REPS1: variants seen among roughly 807,000 people sequenced by gnomAD.
REPS1 encodes the protein RALBP1 associated Eps domain containing 1.
A neutral mutation model predicts 100.9 loss-of-function variants in REPS1; 39 were observed. The ratio of observed to expected loss-of-function variants is 0.39; its 90% CI spans 0.30 to 0.50. REPS1 has a LOEUF of 0.50. Among genes scored for constraint, REPS1 ranks in the 20% least tolerant of loss-of-function variants. The pLI is 0.86. For missense variants in REPS1, 821 were observed against 968.5 expected, an observed-to-expected ratio of 0.85 and a Z score of 2.02; for synonymous variants, 324 against 340.3, an observed-to-expected ratio of 0.95 and a Z score of 0.53.
chr6:138,954,629 A>G (rs1440499326), intron 1 of REPS1, among the ~76,000 whole-genome samples: 1 of 152,316 alleles, frequency 6.6e-6, no homozygotes, highest in Non-Finnish European at 1.5e-5. Context: ...AGGCTGGACA[A>G]GCTCACATTA....
Position 138,972,471 on chromosome 6 carries a change from G to GTT in REPS1, c.153+15057_153+15058dup, listed in dbSNP as rs374610609. Among the ~76,000 whole-genome samples the GTT allele has an allele frequency of 3.3e-5, 5 of 152,182 alleles. No individual in the cohort carries two copies. In the East Asian group the frequency reaches 9.7e-4, roughly 29 times the overall value. On this transcript the variant is annotated intron_variant, in intron 1 of 19. Transcript: ENST00000450536. ...ACTAATCAGATTTGAAATGCTCTCTGTTATCACCATTCATTTTATGGGAAT... is the reference window on the plus strand; with the variant it reads ...ACTAATCAGATTTGAAATGCTCTCTGTTTTATCACCATTCATTTTATGGGAAT...
At chr6:138,921,498 T>A (rs913481590) in intron 10 of REPS1, among the ~76,000 whole-genome samples, 1 of 143,796 alleles carries the variant, frequency 7.0e-6, no homozygotes, top group Non-Finnish European at 1.5e-5. Context: ...TCAAAAAATA[T>A]AAAAACGATC....
At chr6:138,954,958 C>T (rs557271782) in intron 1 of REPS1, among the ~76,000 whole-genome samples, 5 of 152,240 alleles carry the variant, frequency 3.3e-5, no homozygotes, top group African/African-American at 9.6e-5. Flanking sequence ...TTTTCTCTAT[C>T]CGCATACATC....
intron 1 of REPS1, among the ~76,000 whole-genome samples, chr6:138,984,965 G>C (rs1029076382): frequency 6.6e-6 from 1 of 152,116 alleles, no homozygotes; most frequent in African/African-American, 2.4e-5. Context: ...CCATGACCTA[G>C]CACCCAATCC....
intron 1 of REPS1, among the ~76,000 whole-genome samples, chr6:138,964,632 A>T (rs982272351): frequency 6.6e-6 from 1 of 151,988 alleles, no homozygotes; most frequent in African/African-American, 2.4e-5. Context: ...TTAAGGAAAA[A>T]TTTTAAAAAT....
chr6:138,935,842 A>G (rs1220454698), intron 8 of REPS1, among the ~76,000 whole-genome samples: 1 of 67,520 alleles, frequency 1.5e-5, no homozygotes, highest in Non-Finnish European at 2.5e-5. Context: ...CAACAGAGCA[A>G]GACTCCATCT....
rs149606289 is a variant in REPS1 at position 138,945,532 on chromosome 6, G to A, written c.443C>T (p.Thr148Met). 3.8e-4 allele frequency: 609 copies of A among 1,610,328 alleles called. 2 individuals carry two copies. The highest frequency in any genetic ancestry group is 3.8e-4 in the Non-Finnish European group (445 of 1,178,620). ...QVKKGSVSHD[T>M]VQPRTSADAQ... ...ATCTGCAGATGTACGAGGCTGAACC[G>A]TATCATGGCTTACGGATCCCTTTTT... Residue 148 changes from threonine to methionine, a missense_variant, in exon 3 of 20, where the codon ACG becomes ATG. Thr to Met is a moderately conservative substitution (Grantham distance 81). Transcript: ENST00000450536.
chr6:138,938,191 C>T lies in REPS1; in HGVS notation c.1135+3144G>A, dbSNP rs560992396. ...TGTTATTAAATATTCTAATTCAGGTCGACAGAAGTACTTCTGCCTATGAAC... is the reference window on the plus strand; with the variant it reads ...TGTTATTAAATATTCTAATTCAGGTTGACAGAAGTACTTCTGCCTATGAAC... On this transcript the variant is annotated intron_variant, in intron 8 of 19. Coordinates refer to ENST00000450536, the MANE Select transcript of REPS1 (RefSeq NM_001286611.2). Among the ~76,000 whole-genome samples the T allele has an allele frequency of 5.3e-5, 8 of 152,136 alleles. No homozygotes were observed. The South Asian group carries it at 1.5e-3, about 28-fold the overall frequency.
intron 1 of REPS1, among the ~76,000 whole-genome samples, chr6:138,957,631 G>A (rs1006364610): frequency 2.1e-4 from 32 of 152,100 alleles, no homozygotes; most frequent in African/African-American, 7.5e-4. Context: ...CTATGCAACC[G>A]GCCTACAGAG....
At chr6:138,921,828 G>A (rs1278219365) in intron 10 of REPS1, among the ~76,000 whole-genome samples, 1 of 151,820 alleles carries the variant, frequency 6.6e-6, no homozygotes, top group African/African-American at 2.4e-5. Flanking sequence ...CGCCCGCCTC[G>A]GCCTACAAAG....
Position 138,904,009 on chromosome 6 carries a change from CAA to C in REPS1, c.*1053_*1054del, listed in dbSNP as rs1308139253. Reference sequence around the variant, plus strand: ...CTTTAAATCTTGTTAAAAAGATGAACAAAAGTTAAAATATTATGCTGTTTTAT... The same window carrying C: ...CTTTAAATCTTGTTAAAAAGATGAACAAGTTAAAATATTATGCTGTTTTAT... On this transcript the variant is annotated 3_prime_UTR_variant, in exon 20 of 20. Transcript: ENST00000450536. 18 of 152,000 alleles carry C rather than the reference CAA, an allele frequency of 1.2e-4. No individual in the cohort carries two copies. The highest frequency in any genetic ancestry group is 1.9e-4 in the Non-Finnish European group (13 of 67,972). 9.4% of individuals were successfully genotyped at this position (152,000 alleles called of 1,614,324 possible). A position where few individuals can be genotyped will look rare whatever the true frequency, so the allele number is the denominator to read the frequency against.
chr6:138,926,280 C>G, intron 10 of REPS1, 121 bp downstream of exon 10: 1 of 643,226 alleles, frequency 1.6e-6, no homozygotes, highest in South Asian at 2.2e-5. Flanking sequence ...AACCAAAAAG[C>G]CTGCCGCCAC....
chr6:138,910,514 C>G lies in REPS1; in HGVS notation c.2067+762G>C, dbSNP rs1315454935. Among the ~76,000 whole-genome samples, 3 of 152,108 alleles carry G rather than the reference C, an allele frequency of 2.0e-5. No individual in the cohort carries two copies. The South Asian group carries it at 6.2e-4, about 32-fold the overall frequency. On this transcript the variant is annotated intron_variant, in intron 17 of 19. Transcript: ENST00000450536. ...GACTATAGGCGCATACCACCACACACGGCTAATATTTGTACTTTTTGTAGA... is the reference window on the plus strand; with the variant it reads ...GACTATAGGCGCATACCACCACACAGGGCTAATATTTGTACTTTTTGTAGA...
At position 138,987,774 on chromosome 6, in the gene REPS1, G is replaced by A. The variant is rs1785360875; in HGVS notation, c.-92C>T. 9.5e-6 allele frequency: 13 copies of A among 1,364,522 alleles called. No homozygotes were observed. The highest frequency in any genetic ancestry group is 2.1e-4 in the Middle Eastern group (1 of 4,680). 84.5% of individuals were successfully genotyped at this position (1,364,522 alleles called of 1,614,324 possible). A position where few individuals can be genotyped will look rare whatever the true frequency, so the allele number is the denominator to read the frequency against. On this transcript the variant is annotated 5_prime_UTR_variant, in exon 1 of 20. Transcript: ENST00000450536. ...GGCCGGCAGGGGCTGCGCGTGGCCC[G>A]GCCTCCTGCTAGCTTCCCGAAAACG... is the stretch of plus-strand genomic sequence containing the variant.
At chr6:138,979,638 C>A (rs545300889) in intron 1 of REPS1, among the ~76,000 whole-genome samples, 1 of 152,242 alleles carries the variant, frequency 6.6e-6, no homozygotes, top group Admixed American at 6.5e-5. Context: ...CAGCTGACTA[C>A]CCACCCCCTT....
intron 1 of REPS1, among the ~76,000 whole-genome samples, chr6:138,983,808 C>A (rs1279841545): frequency 6.6e-6 from 1 of 152,152 alleles, no homozygotes; most frequent in Non-Finnish European, 1.5e-5. Flanking sequence ...AACCTCTGAA[C>A]CTGAACTGCT....
In REPS1 at chr6:138,923,731, A is replaced by G. The variant is rs1414041443; in HGVS notation, c.1339-2607T>C. ...AACTATGAAAGCTTAATAACTAACC[A>G]TCTGGTTTGCAAATGGGGTCACTGC... On this transcript the variant is annotated intron_variant, in intron 10 of 19. Coordinates refer to ENST00000450536, the MANE Select transcript of REPS1 (RefSeq NM_001286611.2). Among the ~76,000 whole-genome samples, 3 of 152,192 alleles carry G rather than the reference A, an allele frequency of 2.0e-5. No homozygotes were observed. The East Asian group carries it at 5.8e-4, about 29-fold the overall frequency.
At chr6:138,907,381 A>T (rs1779731251) in intron 19 of REPS1, 114 bp downstream of exon 19, 1 of 658,406 alleles carries the variant, frequency 1.5e-6, no homozygotes, top group Non-Finnish European at 2.6e-6. Flanking sequence ...GCATCTAGAA[A>T]ATTAGAGAAG....
intron 8 of REPS1, among the ~76,000 whole-genome samples, chr6:138,932,711 C>G (rs1435836926): frequency 6.6e-6 from 1 of 152,150 alleles, no homozygotes; most frequent in Admixed American, 6.5e-5. Flanking sequence ...TCGTGGAACA[C>G]CATTTTTCCT....
Sources: gnomAD v4.1 joint callset for allele counts (sites outside exome capture counted in the v4.1 genomes callset) on GRCh38, gnomAD v4.1.1 for gene constraint, MANE v1.5 for transcripts, NCBI Gene and HGNC (gene_info 2026-07-23, HGNC 2026-07-21) for gene names.